The following SNX31 variants were observed in gnomAD, a reference collection of about 807,000 sequenced individuals.
The protein encoded by SNX31 is sorting nexin 31.
Under a neutral mutation model 65.4 loss-of-function variants are expected in SNX31, and 58 were observed. The ratio of observed to expected loss-of-function variants is 0.89; its 90% CI spans 0.72 to 1.10. The LOEUF (loss-of-function observed/expected upper bound fraction) is 1.10, where lower values mean the gene tolerates loss of function less well. Among genes scored for constraint, SNX31 ranks in the 50% least tolerant of loss-of-function variants. The pLI, the probability that SNX31 is intolerant of heterozygous loss-of-function variation, is 0.00. For synonymous variants in SNX31, 181 were observed against 190.1 expected (o/e 0.95, Z 0.39); for missense variants, 523 against 529.7 (o/e 0.99, Z 0.12).
intron 4 of SNX31, among the ~76,000 whole-genome samples, chr8:100,623,715 G>A (rs1817855383): frequency 6.6e-6 from 1 of 152,258 alleles, no homozygotes; most frequent in East Asian, 1.9e-4. Flanking sequence ...AGGACTTGGA[G>A]CCACTGATAA....
rs183587325 is a variant in SNX31 at position 100,622,780 on chromosome 8, T to C, written c.322-5050A>G. 1.6e-4 allele frequency among the ~76,000 whole-genome samples: 25 copies of C among 152,338 alleles called. No individual in the cohort carries two copies. In the East Asian group the frequency reaches 4.8e-3, roughly 29 times the overall value. ...TCTCTAGCCCTCGACTGCATACTTATCCTACAGATATGTAAGAAGAGAATA... is the reference window on the plus strand; with the variant it reads ...TCTCTAGCCCTCGACTGCATACTTACCCTACAGATATGTAAGAAGAGAATA... On this transcript the variant is annotated intron_variant, in intron 4 of 13. Transcript: ENST00000311812. The surrounding 1 kb of genome is among the most constrained non-coding windows in gnomAD (Gnocchi z 5.0).
At chr8:100,627,063 C>T (rs1000301320) in intron 4 of SNX31, among the ~76,000 whole-genome samples, 3 of 152,038 alleles carry the variant, frequency 2.0e-5, no homozygotes, top group African/African-American at 7.2e-5. Flanking sequence ...AAATAAGATA[C>T]ACAAAACTGG....
intron 13 of SNX31, among the ~76,000 whole-genome samples, chr8:100,574,876 A>G (rs2977866): frequency 0.75 from 113,911 of 152,082 alleles, 43,804 homozygotes; most frequent in Non-Finnish European, 0.83. Context: ...GGAGGTTGCA[A>G]TGAGCCGAGA....
intron 3 of SNX31, among the ~76,000 whole-genome samples, chr8:100,634,780 G>A (rs1818639017): frequency 7.3e-6 from 1 of 136,912 alleles, no homozygotes; most frequent in Admixed American, 7.3e-5. Flanking sequence ...TAAATATTGG[G>A]TGCAGTGGCT....
At chr8:100,638,350 G>A (rs1355485394) in intron 2 of SNX31, among the ~76,000 whole-genome samples, 1 of 152,178 alleles carries the variant, frequency 6.6e-6, no homozygotes, top group Admixed American at 6.5e-5. Context: ...TCAATCTCCA[G>A]TCTTGCTAGC....
chr8:100,613,471 G>A lies in SNX31; in HGVS notation c.433-386C>T, dbSNP rs1023703391. Among the ~76,000 whole-genome samples, 1 of 152,110 alleles carries A rather than the reference G, an allele frequency of 6.6e-6. No homozygotes were observed. The highest frequency in any genetic ancestry group is 1.5e-5 in the Non-Finnish European group (1 of 68,028). ...GTCTGTCCCTGGAACCTGCACACTA[G>A]TTTACCTTCCTGTGGGCTGCATTAC... On this transcript the variant is annotated intron_variant, in intron 5 of 13. Transcript: ENST00000311812. The surrounding 1 kb of genome is among the most constrained non-coding windows in gnomAD (Gnocchi z 5.2).
chr8:100,608,751 C>G (rs1317742745), intron 7 of SNX31, among the ~76,000 whole-genome samples, 188 bp from the exon 8 acceptor site: 2 of 152,162 alleles, frequency 1.3e-5, no homozygotes, highest in African/African-American at 4.8e-5. Context: ...TTCTTTACAC[C>G]GTAAGCTCTT....
chr8:100,657,172 G>T (rs1303150929), intron 1 of SNX31, among the ~76,000 whole-genome samples: 1 of 152,170 alleles, frequency 6.6e-6, no homozygotes, highest in Admixed American at 6.5e-5. Flanking sequence ...AAGAAGGGAG[G>T]CTGGGCATGG....
rs1449381552 is a variant in SNX31, at chr8:100,630,506, G to A, written c.257-115C>T. ...CTTGCCAGTGCTCTGTCTCCTCCCT[G>A]AAGTGATAAATGTTGAAACCTCTCA... On this transcript the variant is annotated intron_variant, in intron 3 of 13. Transcript: ENST00000311812. This position sits in a 1 kb window ranked among gnomAD's most constrained non-coding sequence, Gnocchi z 5.3. The A allele has an allele frequency of 7.4e-6, 6 of 815,700 alleles. No individual in the cohort carries two copies. The highest frequency in any genetic ancestry group is 1.9e-5 in the South Asian group (1 of 51,572). The allele number at this position is 815,700 out of a possible 1,614,324, so 50.5% of individuals were successfully genotyped here. A position where few individuals can be genotyped will look rare whatever the true frequency, so the allele number is the denominator to read the frequency against.
chr8:100,607,083 G>A (rs546444764), intron 8 of SNX31, among the ~76,000 whole-genome samples: 9 of 152,264 alleles, frequency 5.9e-5, no homozygotes, highest in East Asian at 3.9e-4. Flanking sequence ...GAAATGCTAC[G>A]GAGGAAAAAG....
At chr8:100,656,286 T>C (rs576868647) in intron 1 of SNX31, among the ~76,000 whole-genome samples, 1 of 152,324 alleles carries the variant, frequency 6.6e-6, no homozygotes, top group East Asian at 1.9e-4. Context: ...CCTTCCTTTT[T>C]TTCTTTCCTT....
chr8:100,658,646 C>G (rs1039331412), intron 1 of SNX31, among the ~76,000 whole-genome samples: 1 of 152,130 alleles, frequency 6.6e-6, no homozygotes, highest in Admixed American at 6.6e-5. Flanking sequence ...AGCATCTTGC[C>G]CAAAGTTGCA....
At position 100,660,875 on chromosome 8, in the gene SNX31, G is replaced by T. The variant is rs1471319053; in HGVS notation, c.-58+2267C>A. On this transcript the variant is annotated intron_variant, in intron 1 of 5. Transcript: ENST00000520352. The surrounding 1 kb of genome is among the most constrained non-coding windows in gnomAD (Gnocchi z 4.1). ...GGTTCTGCTGGCAGACCAAGCCCTGGCAATCACACATTCGTGCTAATGCAG... is the reference window on the plus strand; with the variant it reads ...GGTTCTGCTGGCAGACCAAGCCCTGTCAATCACACATTCGTGCTAATGCAG... Among the ~76,000 whole-genome samples, 1 of 152,168 alleles carries T rather than the reference G, an allele frequency of 6.6e-6. No individual in the cohort carries two copies. Among genetic ancestry groups the T allele is most frequent in the African/African-American group, 2.4e-5 (1 of 41,432 alleles).
intron 3 of SNX31, among the ~76,000 whole-genome samples, chr8:100,633,201 T>C (rs1485999934): frequency 6.6e-6 from 1 of 152,152 alleles, no homozygotes; most frequent in African/African-American, 2.4e-5. Context: ...AGTGCTGGAA[T>C]TGCAGGCATG....
At chr8:100,658,348 T>C (rs1300181545) in intron 1 of SNX31, among the ~76,000 whole-genome samples, 1 of 152,192 alleles carries the variant, frequency 6.6e-6, no homozygotes, top group African/African-American at 2.4e-5. Flanking sequence ...CAGTGAAACA[T>C]TGCCTGAGAT....
intron 12 of SNX31, among the ~76,000 whole-genome samples, chr8:100,577,570 TGAG>T (rs768184781): frequency 3.9e-5 from 6 of 152,250 alleles, no homozygotes; most frequent in Admixed American, 6.5e-5. Flanking sequence ...TTGGGGTAAT[TGAG>T]GAGAATTTTA....
chr8:100,659,137 G>A (rs1025005928), intron 1 of SNX31, among the ~76,000 whole-genome samples: 6 of 152,124 alleles, frequency 3.9e-5, no homozygotes, highest in Non-Finnish European at 7.4e-5. Context: ...CCTGAGGTCA[G>A]GAGTTTAAGA....
chr8:100,610,276 C>A lies in SNX31; in HGVS notation c.612-1713G>T, dbSNP rs1816590040. ...AATGCCTAATTTCTAATTCAAGCTT[C>A]AAGGTAAGAAACAGAATCATCATCT... On this transcript the variant is annotated intron_variant, in intron 7 of 13. Transcript: ENST00000311812. This position sits in a 1 kb window ranked among gnomAD's most constrained non-coding sequence, Gnocchi z 4.0. Among the ~76,000 whole-genome samples the A allele has an allele frequency of 6.6e-6, 1 of 151,984 alleles. No homozygotes were observed. The highest frequency in any genetic ancestry group is 6.6e-5 in the Admixed American group (1 of 15,266).
chr8:100,638,913 C>T (rs545957221), intron 2 of SNX31, among the ~76,000 whole-genome samples: 182 of 152,064 alleles, frequency 1.2e-3, no homozygotes, highest in Middle Eastern at 6.8e-3. Flanking sequence ...ATGAAAGAAA[C>T]GTAAATAAAT....
Sources: allele counts gnomAD v4.1 joint callset (sites outside exome capture counted in the v4.1 genomes callset), GRCh38; gene constraint gnomAD v4.1.1; non-coding constraint Gnocchi (gnomAD v3.1); transcripts MANE v1.5; gene names NCBI Gene and HGNC (gene_info 2026-07-23, HGNC 2026-07-21).